ANGPT1: variants seen among roughly 807,000 people sequenced by gnomAD.
ANGPT1 encodes angiopoietin 1.
In ANGPT1, 17 loss-of-function variants were observed where a neutral mutation model predicts 62.2. That is an observed-to-expected ratio of 0.27 (90% CI 0.19 to 0.41). ANGPT1 has a LOEUF of 0.41. Ranked by LOEUF, ANGPT1 falls within the 10% of genes least tolerant of loss-of-function variation. The probability of loss-of-function intolerance (pLI) is 1.00; values close to 1 mark genes in which losing one functional copy is unlikely to be tolerated. For missense variants in ANGPT1, 478 were observed against 594.9 expected, an observed-to-expected ratio of 0.80 and a Z score of 2.04; for synonymous variants, 199 against 198.9, an observed-to-expected ratio of 1.00 and a Z score of 0.00.
intron 1 of ANGPT1, among the ~76,000 whole-genome samples, chr8:107,440,141 G>A (rs1007446242): frequency 1.2e-4 from 18 of 152,186 alleles, no homozygotes; most frequent in Non-Finnish European, 2.5e-4. Context: ...TGAAAGGTCA[G>A]GGCAGGAGAG....
chr8:107,296,893 T>A (rs1814429174), intron 5 of ANGPT1, among the ~76,000 whole-genome samples: 1 of 152,048 alleles, frequency 6.6e-6, no homozygotes, highest in African/African-American at 2.4e-5. Context: ...GAGGAAACTA[T>A]ATTGTACAGT....
At chr8:107,467,765 G>A (rs892009627) in intron 1 of ANGPT1, among the ~76,000 whole-genome samples, 9 of 152,080 alleles carry the variant, frequency 5.9e-5, no homozygotes, top group Admixed American at 3.9e-4. Flanking sequence ...GGGCAAAAAG[G>A]AAATGTTAAG....
rs751210643 is a variant in ANGPT1 at position 107,342,782 on chromosome 8, TACACACACACACACAC to T, written c.453+4144_453+4159del. On this transcript the variant is annotated intron_variant, in intron 2 of 8. Coordinates refer to ENST00000517746, the MANE Select transcript of ANGPT1 (RefSeq NM_001146.5). ...AACAAACTGTTCCTGAACTGCCTAA[TACACACACACACACAC>T]ACACACACACACACACACACACACA... is the stretch of plus-strand genomic sequence containing the variant. Among the ~76,000 whole-genome samples, 614 of 138,566 alleles carry T rather than the reference TACACACACACACACAC, an allele frequency of 4.4e-3. 4 individuals are homozygous for T. Among genetic ancestry groups the T allele is most frequent in the East Asian group, 5.8e-3 (27 of 4,616 alleles). The allele number at this position is 138,566 out of a possible 152,430, so 90.9% of individuals were successfully genotyped here.
In ANGPT1 at chr8:107,293,955, C is replaced by A; in HGVS notation, c.1019G>T (p.Gly340Val). 1.9e-6 allele frequency: 3 copies of A among 1,613,096 alleles called. No homozygotes were observed. The highest frequency in any genetic ancestry group is 2.2e-5 in the South Asian group (2 of 90,942). Residue 340 changes from glycine to valine, a missense_variant, in exon 6 of 9, where the codon GGC becomes GTC. Gly to Val is a moderately radical substitution (Grantham distance 109). Transcript: ENST00000517746. ...TCTTACCATTTTATATTCCTTCCAGCCTCTTTGGAAATCTAGACTTCCATC... is the reference window on the plus strand; with the variant it reads ...TCTTACCATTTTATATTCCTTCCAGACTCTTTGGAAATCTAGACTTCCATC... Reference protein sequence around the residue: ...REDGSLDFQRGWKEYKMGFGN... With the variant: ...REDGSLDFQRVWKEYKMGFGN...
At position 107,251,606 on chromosome 8, in the gene ANGPT1, T is replaced by C. The variant is rs1813249027; in HGVS notation, c.*249A>G. On this transcript the variant is annotated 3_prime_UTR_variant, in exon 9 of 9. Coordinates refer to ENST00000517746, the MANE Select transcript of ANGPT1 (RefSeq NM_001146.5). ...GCAAGCTCAGCAGTTTCTTCCCTTT[T>C]TAAAGCCCGACAGTCAGTGGAGTTT... is the stretch of plus-strand genomic sequence containing the variant. 2.4e-6 allele frequency: 1 copy of C among 409,694 alleles called. No homozygotes were observed. The highest frequency in any genetic ancestry group is 2.0e-5 in the African/African-American group (1 of 50,234). The allele number at this position is 409,694 out of a possible 1,614,324, so 25.4% of individuals were successfully genotyped here.
chr8:107,307,438 T>C (rs191145250), intron 4 of ANGPT1, among the ~76,000 whole-genome samples: 10 of 152,202 alleles, frequency 6.6e-5, no homozygotes, highest in Non-Finnish European at 1.3e-4. Flanking sequence ...CTTTCTACTG[T>C]TTTAAAAAAC....
intron 1 of ANGPT1, among the ~76,000 whole-genome samples, chr8:107,446,076 C>T (rs993815818): frequency 5.3e-5 from 8 of 152,008 alleles, no homozygotes; most frequent in Non-Finnish European, 1.0e-4. Context: ...TGCCACCATG[C>T]CCAGTTAACT....
At chr8:107,428,740 G>A (rs1811102546) in intron 1 of ANGPT1, among the ~76,000 whole-genome samples, 2 of 152,056 alleles carry the variant, frequency 1.3e-5, no homozygotes. Context: ...GATAGCCACA[G>A]CATCAGTAGC....
chr8:107,294,123 G>A (rs534938705), intron 5 of ANGPT1, 86 bp from the exon 6 acceptor site: 30 of 1,067,788 alleles, frequency 2.8e-5, no homozygotes, highest in Middle Eastern at 2.1e-4. Context: ...GGAATAAGGC[G>A]AACAGGTCTG....
At chr8:107,256,404 T>C (rs1191262832) in intron 8 of ANGPT1, among the ~76,000 whole-genome samples, 1 of 152,228 alleles carries the variant, frequency 6.6e-6, no homozygotes, top group African/African-American at 2.4e-5. Flanking sequence ...GGCCAAGTCT[T>C]TTAAACACAA....
intron 5 of ANGPT1, among the ~76,000 whole-genome samples, chr8:107,298,070 T>C (rs1814463081): frequency 6.6e-6 from 1 of 151,882 alleles, no homozygotes; most frequent in Non-Finnish European, 1.5e-5. Flanking sequence ...GGCTTAACTC[T>C]ATCCAAGAAA....
At chr8:107,301,347 A>T (rs1006087345) in intron 5 of ANGPT1, among the ~76,000 whole-genome samples, 1 of 151,878 alleles carries the variant, frequency 6.6e-6, no homozygotes, top group Non-Finnish European at 1.5e-5. Context: ...TCAGGTCTTG[A>T]GTAGTACTGT....
At chr8:107,466,135 A>G (rs554819099) in intron 1 of ANGPT1, among the ~76,000 whole-genome samples, 13 of 152,292 alleles carry the variant, frequency 8.5e-5, no homozygotes, top group African/African-American at 3.1e-4. Flanking sequence ...TAAAAGACTT[A>G]GAAATTTCCA....
intron 4 of ANGPT1, among the ~76,000 whole-genome samples, chr8:107,321,077 T>C (rs531938915): frequency 4.6e-5 from 7 of 152,216 alleles, no homozygotes; most frequent in Non-Finnish European, 1.0e-4. Flanking sequence ...TGACTTCAAG[T>C]TCCAAACTTT....
intron 1 of ANGPT1, among the ~76,000 whole-genome samples, chr8:107,355,540 C>A (rs1373427972): frequency 6.6e-6 from 1 of 151,924 alleles, no homozygotes; most frequent in Non-Finnish European, 1.5e-5. Context: ...ACCCTCCCAC[C>A]CTACATGTAC....
intron 1 of ANGPT1, among the ~76,000 whole-genome samples, chr8:107,409,600 A>G (rs1428865942): frequency 1.3e-5 from 2 of 152,098 alleles, no homozygotes; most frequent in African/African-American, 2.4e-5. Flanking sequence ...TTACTGCTCT[A>G]CTTTTACCTT....
At chr8:107,459,702 C>T (rs948146475) in intron 1 of ANGPT1, among the ~76,000 whole-genome samples, 1 of 151,636 alleles carries the variant, frequency 6.6e-6, no homozygotes, top group Admixed American at 6.6e-5. Flanking sequence ...CATGGTCCAA[C>T]ATGTTTGCAT....
intron 2 of ANGPT1, among the ~76,000 whole-genome samples, chr8:107,343,416 C>T (rs570837347): frequency 6.6e-6 from 1 of 152,236 alleles, no homozygotes; most frequent in South Asian, 2.1e-4. Flanking sequence ...TGAAGAGCCC[C>T]TAGCCAAAGT....
chr8:107,257,052 G>A (rs1011471220), intron 8 of ANGPT1, among the ~76,000 whole-genome samples: 1 of 152,060 alleles, frequency 6.6e-6, no homozygotes, highest in African/African-American at 2.4e-5. Context: ...TAGAGGTGGG[G>A]TTTTGCCATG....
Sources: gnomAD v4.1 joint callset for allele counts (sites outside exome capture counted in the v4.1 genomes callset) on GRCh38, gnomAD v4.1.1 for gene constraint, MANE v1.5 for transcripts, NCBI Gene and HGNC (gene_info 2026-07-23, HGNC 2026-07-21) for gene names.